The following SGSH variants were observed in gnomAD, a reference collection of about 807,000 sequenced individuals.
The protein encoded by SGSH is heparan sulfate sulfatase.
In SGSH, 48 loss-of-function variants were observed where a neutral mutation model predicts 51.0. That is an observed-to-expected ratio of 0.94 (90% CI 0.75 to 1.20). SGSH has a LOEUF of 1.20. Ranked by LOEUF, SGSH falls within the 50% of genes most tolerant of loss-of-function variation. SGSH has a pLI of 0.00. For synonymous variants in SGSH, 321 were observed against 313.4 expected (o/e 1.02, Z -0.26); for missense variants, 662 against 717.8 (o/e 0.92, Z 0.89).
downstream of SGSH, chr17:80,202,619 G>A (rs2041046189): frequency 7.0e-7 from 1 of 1,421,626 alleles, no homozygotes; most frequent in Non-Finnish European, 9.2e-7. Flanking sequence ...CAAATGAAAT[G>A]TTCATTCTAG....
chr17:80,211,478 T>G, intron 7 of SGSH: 1 of 279,436 alleles, frequency 3.6e-6, no homozygotes, highest in Non-Finnish European at 7.0e-6. Context: ...GCCTCTGCCC[T>G]GTGCCGAAGG....
At chr17:80,203,753 C>A, downstream of SGSH, 2 of 1,271,954 alleles carry the variant, frequency 1.6e-6, no homozygotes, top group Non-Finnish European at 2.2e-6. This position sits in a 1 kb window ranked among gnomAD's most constrained non-coding sequence, Gnocchi z 4.6. Flanking sequence ...CTCTCCCCTG[C>A]TCGGCTCTCC....
In SGSH at chr17:80,214,601, G is replaced by C. The variant is rs768967935; in HGVS notation, c.506+14C>G. ...CGGCCGCCAGGGGGAAGGGGCAGGG[G>C]CCCCGACTCATACCGGTCATCCTGA... On this transcript the variant is annotated intron_variant, in intron 4 of 7. Transcript: ENST00000326317. 1.1e-5 allele frequency: 17 copies of C among 1,610,494 alleles called. No homozygotes were observed. The South Asian group carries it at 1.9e-4, about 18-fold the overall frequency.
rs1212600929 is a variant in SGSH at position 80,220,249 on chromosome 17, G to T, written c.65C>A (p.Pro22His). ...LLVLGLCRAR[P>H]RNALLLLADD... ...ACCGAGGAGCAGCAGTGCGTTCCGG[G>T]GACGCGCCCGGCAGAGCCCCAGGAC... The change falls in exon 1 of 8, where the codon CCC becomes CAC. Residue 22 changes from proline to histidine, a missense_variant. By Grantham distance (77) the Pro-to-His change is moderately conservative (BLOSUM62 -2). Transcript: ENST00000326317. 1 of 1,523,604 alleles carries T rather than the reference G, an allele frequency of 6.6e-7. No homozygotes were observed. Among genetic ancestry groups the T allele is most frequent in the East Asian group, 2.5e-5 (1 of 39,674 alleles). 94.4% of individuals were successfully genotyped at this position (1,523,604 alleles called of 1,614,324 possible).
rs1258367645 is a variant in SGSH at position 80,220,327 on chromosome 17, C to T, written c.-14G>A. The T allele has an allele frequency of 2.0e-6, 3 of 1,483,322 alleles. No homozygotes were observed. Among genetic ancestry groups the T allele is most frequent in the Admixed American group, 2.2e-5 (1 of 45,346 alleles). 91.9% of individuals were successfully genotyped at this position (1,483,322 alleles called of 1,614,324 possible). On this transcript the variant is annotated 5_prime_UTR_variant, in exon 1 of 8. Coordinates refer to ENST00000326317, the MANE Select transcript of SGSH (RefSeq NM_000199.5). ...GGGGCAGCTCATGGCGGCGGCGGCT[C>T]GGACTCGGGATCGGGATCCGGCTCC...
rs377592838 is a variant in SGSH, at chr17:80,211,295, C to T, written c.950-284G>A. 2.5e-4 allele frequency: 192 copies of T among 757,618 alleles called. 2 individuals carry two copies. In the East Asian group the frequency reaches 6.6e-3, roughly 26 times the overall value. The allele number at this position is 757,618 out of a possible 1,614,324, so 46.9% of individuals were successfully genotyped here. A position where few individuals can be genotyped will look rare whatever the true frequency, so the allele number is the denominator to read the frequency against. ...TTTTGGTAGCTCGTGTACTCCAGCC[C>T]CTGTGGTGGGTGTGGCCACAGTGCT... On this transcript the variant is annotated intron_variant, in intron 7 of 7. Transcript: ENST00000326317.
At chr17:80,203,800 G>C, downstream of SGSH, 2 of 1,555,170 alleles carry the variant, frequency 1.3e-6, no homozygotes, top group South Asian at 2.4e-5. This position sits in a 1 kb window ranked among gnomAD's most constrained non-coding sequence, Gnocchi z 4.6. Flanking sequence ...AGCTGGGTCA[G>C]GGCCTCTGCT....
chr17:80,206,443 C>T (rs1245507989), downstream of SGSH, among the ~76,000 whole-genome samples: 1 of 152,108 alleles, frequency 6.6e-6, no homozygotes, highest in Non-Finnish European at 1.5e-5. Flanking sequence ...GTGAGACACC[C>T]GTCTCTACAA....
downstream of SGSH, chr17:80,205,579 TC>T: frequency 6.3e-7 from 1 of 1,577,868 alleles, no homozygotes; most frequent in Non-Finnish European, 8.6e-7. Flanking sequence ...AGAGGGGACA[TC>T]ATCCAGGAGG....
At chr17:80,211,132 G>A in intron 7 of SGSH, 121 bp from the exon 8 acceptor site, 2 of 1,529,620 alleles carry the variant, frequency 1.3e-6, no homozygotes, top group South Asian at 1.2e-5. Context: ...GCAGCGGGAG[G>A]TGCCTTGTCG....
intron 2 of SGSH, among the ~76,000 whole-genome samples, chr17:80,216,429 G>A (rs959676999): frequency 1.7e-4 from 26 of 152,318 alleles, no homozygotes; most frequent in African/African-American, 6.0e-4. Context: ...ATGTGGAGCT[G>A]GTGTTTCATG....
chr17:80,210,887 C>G lies in SGSH; in HGVS notation c.1074G>C (p.Trp358Cys). Residue 358 changes from tryptophan (W) to cysteine (C), a missense_variant, in exon 8 of 8, where the codon TGG (tryptophan) becomes TGC (cysteine). By Grantham distance (215) the Trp-to-Cys change is radical. Coordinates refer to ENST00000326317, the MANE Select transcript of SGSH (RefSeq NM_000199.5). ...GGCTCTGGCTGCCAAAGACGGTGGC[C>G]CAGAGGGGCTCGGCCTCCAGCGCCG... ...LLPALEAEPL[W>C]ATVFGSQSHH... is the part of the protein sequence containing the mutation. 1 of 1,612,732 alleles carries G rather than the reference C, an allele frequency of 6.2e-7. No individual in the cohort carries two copies. The highest frequency in any genetic ancestry group is 8.5e-7 in the Non-Finnish European group (1 of 1,179,982).
downstream of SGSH, chr17:80,208,450 C>T (rs1019975432): frequency 1.8e-6 from 2 of 1,088,992 alleles, no homozygotes; most frequent in African/African-American, 3.1e-5. Context: ...CTCCTTGGCA[C>T]ATGAGGCCGG....
chr17:80,202,318 C>A, downstream of SGSH: 1 of 1,613,720 alleles, frequency 6.2e-7, no homozygotes, highest in Non-Finnish European at 8.5e-7. Context: ...CTGCACGTCA[C>A]CGACACCATG....
chr17:80,213,646 C>T lies in SGSH; in HGVS notation c.745+158G>A. On this transcript the variant is annotated intron_variant, in intron 6 of 7. Coordinates refer to ENST00000326317, the MANE Select transcript of SGSH (RefSeq NM_000199.5). This position sits in a 1 kb window ranked among gnomAD's most constrained non-coding sequence, Gnocchi z 4.6. ...CGGGGTTGGGTCCTGATGCCACCCA[C>T]AGGCCCCTCCTCTCAATGTGGGCTC... 4.2e-6 allele frequency: 3 copies of T among 709,994 alleles called. No homozygotes were observed. Among genetic ancestry groups the T allele is most frequent in the Non-Finnish European group, 7.2e-6 (3 of 417,114 alleles). The allele number at this position is 709,994 out of a possible 1,614,324, so 44.0% of individuals were successfully genotyped here.
chr17:80,211,619 A>G, intron 7 of SGSH: 1 of 304,694 alleles, frequency 3.3e-6, no homozygotes, highest in Non-Finnish European at 6.4e-6. Context: ...TCCCCCAGGA[A>G]GGCAGGATGG....
chr17:80,211,262 A>G (rs981313239), intron 7 of SGSH: 1 of 1,190,674 alleles, frequency 8.4e-7, no homozygotes, highest in Non-Finnish European at 1.1e-6. Context: ...CTGGAAAAGA[A>G]GTCTCCTTTT....
chr17:80,216,866 C>T, intron 2 of SGSH, 166 bp downstream of exon 2: 1 of 679,284 alleles, frequency 1.5e-6, no homozygotes, highest in South Asian at 1.9e-5. Context: ...GTCGGAGCCC[C>T]TAGTCTGCAC....
chr17:80,205,016 A>T, downstream of SGSH: 1 of 1,542,502 alleles, frequency 6.5e-7, no homozygotes. Flanking sequence ...ACCCACCCTC[A>T]GGATCCTCTC....
Sources: allele counts gnomAD v4.1 joint callset (sites outside exome capture counted in the v4.1 genomes callset), GRCh38; gene constraint gnomAD v4.1.1; non-coding constraint Gnocchi (gnomAD v3.1); transcripts MANE v1.5; gene names NCBI Gene and HGNC (gene_info 2026-07-23, HGNC 2026-07-21).